The following CIB3 variants were observed in gnomAD, a reference collection of about 807,000 sequenced individuals.
CIB3 encodes calcium and integrin-binding family member 3.
A neutral mutation model predicts 23.4 loss-of-function variants in CIB3; 22 were observed. That is an observed-to-expected ratio of 0.94 (90% confidence interval 0.67 to 1.34). CIB3 has a LOEUF of 1.34. Among genes scored for constraint, CIB3 ranks in the 40% most tolerant of loss-of-function variants. The pLI is 0.00. For missense variants in CIB3, 258 were observed against 247.3 expected (o/e 1.04, Z -0.29); for synonymous variants, 93 against 95.8 (o/e 0.97, Z 0.17).
intron 3 of CIB3, among the ~76,000 whole-genome samples, chr19:16,169,188 G>T (rs1186343399): frequency 2.6e-5 from 4 of 152,106 alleles, no homozygotes; most frequent in Non-Finnish European, 5.9e-5. Context: ...CTGTCGCCCA[G>T]GCTGGAGTAC....
intron 2 of CIB3, among the ~76,000 whole-genome samples, chr19:16,172,160 A>C (rs2091330883): frequency 6.6e-6 from 1 of 151,964 alleles, no homozygotes; most frequent in South Asian, 2.1e-4. Context: ...TTTATCTTTC[A>C]TTTTGTTTTT....
intron 4 of CIB3, 50 bp downstream of exon 4, chr19:16,168,087 C>CCA: frequency 6.5e-7 from 1 of 1,544,428 alleles, no homozygotes; most frequent in Non-Finnish European, 8.8e-7. Flanking sequence ...ACCCAGTTCC[C>CCA]ACTCCCCACC....
rs78608985 is a variant in CIB3 at position 16,173,477 on chromosome 19, G to T, written c.-2C>A. 0.014 allele frequency: 22,501 copies of T among 1,613,784 alleles called. 1,762 individuals carry two copies. In the Admixed American group the frequency reaches 0.18, roughly 13 times the overall value. On this transcript the variant is annotated 5_prime_UTR_variant, in exon 1 of 6. Transcript: ENST00000269878. ...GAAGACTGTCTGCTTGTTGCCCATGGTGTGAACCACAGCCCAGACTTGGGG... is the reference window on the plus strand; with the variant it reads ...GAAGACTGTCTGCTTGTTGCCCATGTTGTGAACCACAGCCCAGACTTGGGG...
At chr19:16,170,676 G>A (rs565055568) in intron 2 of CIB3, among the ~76,000 whole-genome samples, 1 of 152,044 alleles carries the variant, frequency 6.6e-6, no homozygotes, top group South Asian at 2.1e-4. Flanking sequence ...CAAAAAATTA[G>A]CTGGGCGTGG....
intron 2 of CIB3, among the ~76,000 whole-genome samples, chr19:16,170,714 C>T (rs772678841): frequency 6.6e-6 from 1 of 151,320 alleles, no homozygotes; most frequent in South Asian, 2.1e-4. Flanking sequence ...CCCAACTACT[C>T]GGGAGGCCGA....
chr19:16,169,568 G>C (rs956430724), intron 3 of CIB3, 62 bp downstream of exon 3: 145 of 1,424,970 alleles, frequency 1.0e-4, no homozygotes, highest in Non-Finnish European at 1.3e-4. Context: ...TGACCTCAGA[G>C]GAATGCAACG....
chr19:16,169,659 C>T lies in CIB3; in HGVS notation c.169G>A (p.Glu57Lys). 8.7e-6 allele frequency: 14 copies of T among 1,613,694 alleles called. No homozygotes were observed. The highest frequency in any genetic ancestry group is 2.2e-5 in the South Asian group (2 of 91,038). The change falls in exon 3 of 6, where the codon GAG becomes AAG. Residue 57 changes from glutamate (E) to lysine (K), a missense_variant. By Grantham distance (56) the Glu-to-Lys change is moderately conservative. Coordinates refer to ENST00000269878, the MANE Select transcript of CIB3 (RefSeq NM_054113.4). Reference sequence around the variant, plus strand: ...AGCTCGGGCATGCTGCCAATGAGCTCGTAGGGCACCTTCACATCGGGGCAG... The same window carrying T: ...AGCTCGGGCATGCTGCCAATGAGCTTGTAGGGCACCTTCACATCGGGGCAG... ...TTCPDVKVPY[E>K]LIGSMPELKD...
intron 5 of CIB3, among the ~76,000 whole-genome samples, chr19:16,163,357 C>T (rs1355966958): frequency 6.6e-6 from 1 of 152,070 alleles, no homozygotes; most frequent in Non-Finnish European, 1.5e-5. Flanking sequence ...GAGTTCAAGA[C>T]CAGCCTGGCC....
At chr19:16,166,800 C>T (rs1249678745) in intron 4 of CIB3, among the ~76,000 whole-genome samples, 1 of 152,170 alleles carries the variant, frequency 6.6e-6, no homozygotes, top group Non-Finnish European at 1.5e-5. Flanking sequence ...ATTATGGTGG[C>T]AGGGCACGGT....
rs2091292866 is a variant in CIB3 at position 16,163,286 on chromosome 19, G to T, written c.542+1432C>A. On this transcript the variant is annotated intron_variant, in intron 5 of 5. Coordinates refer to ENST00000269878, the MANE Select transcript of CIB3 (RefSeq NM_054113.4). Reference sequence around the variant, plus strand: ...AACAAACAAACGGGCTGGGCGTGGTGGCTCACGCTTGTACTCCCAGCAGTC... The same window carrying T: ...AACAAACAAACGGGCTGGGCGTGGTTGCTCACGCTTGTACTCCCAGCAGTC... Among the ~76,000 whole-genome samples, 4 of 152,198 alleles carry T rather than the reference G, an allele frequency of 2.6e-5. No homozygotes were observed. The South Asian group carries it at 8.3e-4, about 32-fold the overall frequency.
Position 16,171,411 on chromosome 19 carries a change from G to C in CIB3, c.87-1670C>G, listed in dbSNP as rs74388928. The stretch of plus-strand genomic sequence containing the variant: ...CAGCAGCCTTGCAGAGACCATCCTT[G>C]GTGGGTCTGAGGTCCCCAAGCTGCT... On this transcript the variant is annotated intron_variant, in intron 2 of 5. Coordinates refer to ENST00000269878, the MANE Select transcript of CIB3 (RefSeq NM_054113.4). 3.9e-5 allele frequency among the ~76,000 whole-genome samples: 6 copies of C among 152,168 alleles called. No individual in the cohort carries two copies. The East Asian group carries it at 1.2e-3, about 29-fold the overall frequency.
chr19:16,170,301 G>A (rs2091322732), intron 2 of CIB3, among the ~76,000 whole-genome samples: 1 of 152,188 alleles, frequency 6.6e-6, no homozygotes, highest in African/African-American at 2.4e-5. Context: ...CTAGCGAGGA[G>A]AAGGGGGTTC....
intron 2 of CIB3, among the ~76,000 whole-genome samples, chr19:16,170,528 T>A (rs1019129718): frequency 6.6e-6 from 1 of 152,124 alleles, no homozygotes; most frequent in Non-Finnish European, 1.5e-5. Context: ...CTCCTTATAA[T>A]GGGAGGAAGA....
chr19:16,168,097 C>T (rs777909107), intron 4 of CIB3, 40 bp downstream of exon 4: 2 of 1,572,464 alleles, frequency 1.3e-6, no homozygotes, highest in South Asian at 2.3e-5. Context: ...CACTCCCCAC[C>T]CCATCCCCAT....
chr19:16,172,457 A>C (rs376630193), intron 2 of CIB3, among the ~76,000 whole-genome samples: 28 of 151,956 alleles, frequency 1.8e-4, no homozygotes, highest in African/African-American at 6.5e-4. Context: ...GCCCAGCCTC[A>C]GGAGAATCTT....
chr19:16,161,444 C>T lies in CIB3; in HGVS notation c.*21G>A, dbSNP rs376716229. 3.2e-5 allele frequency: 51 copies of T among 1,613,792 alleles called. No homozygotes were observed. Among genetic ancestry groups the T allele is most frequent in the Middle Eastern group, 1.6e-4 (1 of 6,084 alleles). On this transcript the variant is annotated 3_prime_UTR_variant, in exon 6 of 6. Transcript: ENST00000269878. ...GAGGGGTCACCCCGCCCTCCTATAG[C>T]TCGGCTCCTCTGTGGTGCCATCAGA...
At chr19:16,169,828 C>T in intron 2 of CIB3, 87 bp from the exon 3 acceptor site, 2 of 1,131,282 alleles carry the variant, frequency 1.8e-6, no homozygotes, top group Admixed American at 2.9e-5. Context: ...GAGACAGAGT[C>T]TCGGTCTGTC....
At chr19:16,161,637 C>T (rs1006308522) in intron 5 of CIB3, 151 bp from the exon 6 acceptor site, 2 of 662,660 alleles carry the variant, frequency 3.0e-6, no homozygotes. Flanking sequence ...GAGACCCCTA[C>T]AGGGGCTGAG....
At position 16,173,411 on chromosome 19, in the gene CIB3, C is replaced by T; in HGVS notation, c.51+14G>A. The T allele has an allele frequency of 1.9e-6, 3 of 1,612,486 alleles. No individual in the cohort carries two copies. Among genetic ancestry groups the T allele is most frequent in the Non-Finnish European group, 2.5e-6 (3 of 1,178,500 alleles). On this transcript the variant is annotated intron_variant, in intron 1 of 5. Transcript: ENST00000269878. ...TTGTCAAACCCACTGAGGACCCATC[C>T]TGCCCCCCTCTACCTGATACGCTTC...
Sources: allele counts gnomAD v4.1 joint callset (sites outside exome capture counted in the v4.1 genomes callset), GRCh38; gene constraint gnomAD v4.1.1; transcripts MANE v1.5; gene names NCBI Gene and HGNC (gene_info 2026-07-23, HGNC 2026-07-21).